LRBA: variants seen among roughly 807,000 people sequenced by gnomAD.
LRBA encodes lipopolysaccharide-responsive and beige-like anchor protein.
Under a neutral mutation model 330.0 loss-of-function variants are expected in LRBA, and 176 were observed. The ratio of observed to expected loss-of-function variants is 0.53; its 90% CI spans 0.47 to 0.60. LRBA has a LOEUF of 0.60. LRBA is among the 20% of genes least tolerant of loss of function. The probability of loss-of-function intolerance (pLI) is 0.00; values close to 1 mark genes in which losing one functional copy is unlikely to be tolerated. For synonymous variants in LRBA, 1,230 were observed against 1,193.0 expected, an observed-to-expected ratio of 1.03 and a Z score of -0.64; for missense variants, 3,259 against 3,444.8, an observed-to-expected ratio of 0.95 and a Z score of 1.35.
intron 56 of LRBA, among the ~76,000 whole-genome samples, chr4:150,267,698 A>G (rs1374808843): frequency 6.6e-6 from 1 of 152,194 alleles, no homozygotes; most frequent in East Asian, 1.9e-4. Context: ...TAGTAAAATG[A>G]TTGATAGGAA....
chr4:150,593,034 T>C (rs1476126101), intron 38 of LRBA, among the ~76,000 whole-genome samples: 1 of 152,204 alleles, frequency 6.6e-6, no homozygotes, highest in Admixed American at 6.5e-5. Context: ...TTCAAGTATT[T>C]ATAGTTCCTT....
intron 36 of LRBA, among the ~76,000 whole-genome samples, chr4:150,700,919 C>G (rs1043869721): frequency 2.6e-5 from 4 of 151,970 alleles, no homozygotes; most frequent in African/African-American, 9.7e-5. Flanking sequence ...CACCACACCC[C>G]TGGCTAACTT....
At position 150,335,013 on chromosome 4, in the gene LRBA, A is replaced by T. The variant is rs569823313; in HGVS notation, c.7363-9115T>A. Among the ~76,000 whole-genome samples, 7 of 151,966 alleles carry T rather than the reference A, an allele frequency of 4.6e-5. No individual in the cohort carries two copies. In the East Asian group the frequency reaches 1.2e-3, roughly 25 times the overall value. ...CCTGGCTAAATTTTGTATTTTTAGT[A>T]GAGATGGGGTTTCGCCATGTTGTCC... On this transcript the variant is annotated intron_variant, in intron 48 of 56. Transcript: ENST00000651943.
At chr4:150,892,032 C>T (rs776520122) in intron 17 of LRBA, among the ~76,000 whole-genome samples, 1 of 152,150 alleles carries the variant, frequency 6.6e-6, no homozygotes. Context: ...GTCAAGGCTG[C>T]AGTGACCCGT....
chr4:150,531,683 T>C (rs1465900147), intron 40 of LRBA, among the ~76,000 whole-genome samples: 1 of 152,198 alleles, frequency 6.6e-6, no homozygotes, highest in Non-Finnish European at 1.5e-5. Context: ...TGTCATGATA[T>C]CAACAACCTC....
chr4:150,562,495 C>T (rs1768495561), intron 40 of LRBA, among the ~76,000 whole-genome samples: 2 of 152,116 alleles, frequency 1.3e-5, no homozygotes, highest in Admixed American at 6.6e-5. Context: ...TCCTCCCACA[C>T]CCTGCTATGT....
rs1356778476 is a variant in LRBA, at chr4:150,844,049, A to C, written c.4569+51T>G. 6.3e-6 allele frequency: 7 copies of C among 1,103,254 alleles called. No homozygotes were observed. The East Asian group carries it at 1.7e-4, about 26-fold the overall frequency. The allele number at this position is 1,103,254 out of a possible 1,614,324, so 68.3% of individuals were successfully genotyped here. ...TTAATCTCAATACATTAGGCCTAAGAGGAAATATGCATCAGTTAAGAGAGT... is the reference window on the plus strand; with the variant it reads ...TTAATCTCAATACATTAGGCCTAAGCGGAAATATGCATCAGTTAAGAGAGT... On this transcript the variant is annotated intron_variant, in intron 28 of 56. Coordinates refer to ENST00000651943, the MANE Select transcript of LRBA (RefSeq NM_001364905.1).
chr4:150,969,471 T>C (rs988535022), intron 2 of LRBA, among the ~76,000 whole-genome samples: 20 of 152,162 alleles, frequency 1.3e-4, no homozygotes, highest in African/African-American at 4.8e-4. Context: ...GCACATGTGG[T>C]GGAAATAGCA....
intron 47 of LRBA, among the ~76,000 whole-genome samples, chr4:150,399,576 T>C (rs993547124): frequency 2.6e-5 from 4 of 152,160 alleles, no homozygotes; most frequent in African/African-American, 9.7e-5. Flanking sequence ...ACTAACATGC[T>C]AGCTGTTAAG....
chr4:150,698,603 T>C (rs758254915), intron 36 of LRBA, among the ~76,000 whole-genome samples: 4 of 152,208 alleles, frequency 2.6e-5, no homozygotes, highest in Admixed American at 2.0e-4. Flanking sequence ...CCGAGTAAAA[T>C]AGCTGTTTTT....
intron 41 of LRBA, among the ~76,000 whole-genome samples, chr4:150,489,287 A>ACATATAATATATTATATATAC (rs1561250553): frequency 1.7e-5 from 1 of 57,164 alleles, no homozygotes; most frequent in African/African-American, 7.9e-5. Flanking sequence ...ATTATATATA[A>ACATATAATATATTATATATAC]GAATATATAA....
intron 17 of LRBA, among the ~76,000 whole-genome samples, chr4:150,874,132 T>C (rs537888284): frequency 7.6e-4 from 116 of 152,202 alleles, no homozygotes; most frequent in Non-Finnish European, 1.4e-3. Context: ...AGATGGCAGA[T>C]TTGAGGGCTT....
chr4:150,577,820 C>CA (rs1376717284), intron 40 of LRBA, among the ~76,000 whole-genome samples: 2 of 152,054 alleles, frequency 1.3e-5, no homozygotes, highest in Non-Finnish European at 2.9e-5. Flanking sequence ...TAAAGATCAG[C>CA]AAAAAATAAA....
At chr4:150,355,539 G>C (rs896399268) in intron 47 of LRBA, among the ~76,000 whole-genome samples, 1 of 151,864 alleles carries the variant, frequency 6.6e-6, no homozygotes, top group Non-Finnish European at 1.5e-5. Flanking sequence ...TATAACCAGA[G>C]AGAATAGGCC....
chr4:150,678,070 T>C (rs920131294), intron 37 of LRBA, among the ~76,000 whole-genome samples: 2 of 151,664 alleles, frequency 1.3e-5, no homozygotes, highest in African/African-American at 4.8e-5. Flanking sequence ...TGAAGCCCCA[T>C]CTCTACTAAA....
intron 47 of LRBA, among the ~76,000 whole-genome samples, chr4:150,351,551 T>C (rs1737167700): frequency 6.6e-6 from 1 of 151,938 alleles, no homozygotes; most frequent in Admixed American, 6.6e-5. Context: ...TAGCCGGGCG[T>C]GGTGGCGGGC....
chr4:150,836,643 C>G (rs1178947857), intron 28 of LRBA, among the ~76,000 whole-genome samples: 2 of 152,066 alleles, frequency 1.3e-5, no homozygotes, highest in African/African-American at 4.8e-5. Context: ...GTGGTGATAT[C>G]CCCTTTATCA....
At chr4:150,679,207 G>A (rs914472623) in intron 37 of LRBA, among the ~76,000 whole-genome samples, 2 of 152,032 alleles carry the variant, frequency 1.3e-5, no homozygotes, top group Non-Finnish European at 2.9e-5. Flanking sequence ...AGCTTTTAAC[G>A]GGTCAAGTAC....
chr4:150,708,888 A>G (rs1785907086), intron 36 of LRBA, among the ~76,000 whole-genome samples: 1 of 151,790 alleles, frequency 6.6e-6, no homozygotes, highest in Non-Finnish European at 1.5e-5. Flanking sequence ...TCCAAATTCA[A>G]ATTGTTAATG....
Sources: gnomAD v4.1 joint callset for allele counts (sites outside exome capture counted in the v4.1 genomes callset) on GRCh38, gnomAD v4.1.1 for gene constraint, MANE v1.5 for transcripts, NCBI Gene and HGNC (gene_info 2026-07-23, HGNC 2026-07-21) for gene names.